The following SLC17A6 variants were observed in gnomAD, a reference collection of about 807,000 sequenced individuals.
SLC17A6 encodes the protein solute carrier family 17 member 6, also known as vesicular glutamate transporter 2.
A neutral mutation model predicts 67.1 loss-of-function variants in SLC17A6; 35 were observed. The observed-to-expected ratio is 0.52, with a 90% CI of 0.40 to 0.69. SLC17A6 has a LOEUF of 0.69. Among genes scored for constraint, SLC17A6 ranks in the 30% least tolerant of loss-of-function variants. The pLI is 0.00. For synonymous variants in SLC17A6, 285 were observed against 252.3 expected (o/e 1.13, Z -1.23); for missense variants, 588 against 723.9 (o/e 0.81, Z 2.15).
In SLC17A6 at chr11:22,374,757, T is replaced by C. The variant is rs1856214006; in HGVS notation, c.1044T>C (p.Val348=). The part of the protein sequence containing the change: ...EEVFGFEISK[V]GMLSAVPHLV... ...TCTCCCTTCTTGTTTTTCATCAGGT[T>C]GGTATGCTATCTGCTGTGCCACACT... The change falls in exon 9 of 12, where the codon GTT becomes GTC. Residue 348 remains valine, a splice_region_variant and synonymous_variant. Transcript: ENST00000263160. 1 of 1,600,670 alleles carries C rather than the reference T, an allele frequency of 6.2e-7. No homozygotes were observed. The highest frequency in any genetic ancestry group is 1.3e-5 in the African/African-American group (1 of 74,300).
chr11:22,370,177 G>C lies in SLC17A6; in HGVS notation c.1030G>C (p.Glu344Gln), dbSNP rs1197570640. ...PAYFEEVFGF[E>Q]ISKVGMLSAV... ...ATATTTTGAGGAAGTCTTTGGATTT[G>C]AAATTAGCAAGGTATGTAAAATGTA... Residue 344 changes from glutamate (E) to glutamine (Q), a missense_variant, in exon 8 of 12, where the codon GAA becomes CAA. By Grantham distance (29) the Glu-to-Gln change is conservative. Around this residue, in one of 4 missense-constraint regions of SLC17A6, gnomAD observed 414 missense variants for 563.4 expected, o/e 0.73. Coordinates refer to ENST00000263160, the MANE Select transcript of SLC17A6 (RefSeq NM_020346.3). 1 of 1,605,114 alleles carries C rather than the reference G, an allele frequency of 6.2e-7. No homozygotes were observed. The highest frequency in any genetic ancestry group is 8.5e-7 in the Non-Finnish European group (1 of 1,176,986).
intron 3 of SLC17A6, among the ~76,000 whole-genome samples, chr11:22,352,932 C>A (rs967347324): frequency 6.6e-6 from 1 of 152,184 alleles, no homozygotes; most frequent in African/African-American, 2.4e-5. Context: ...TGTATGAATT[C>A]AGAATGGAAG....
intron 4 of SLC17A6, among the ~76,000 whole-genome samples, chr11:22,360,168 C>T (rs1856034409): frequency 6.6e-6 from 1 of 151,570 alleles, no homozygotes; most frequent in Non-Finnish European, 1.5e-5. Context: ...GAGATCATGT[C>T]CTTTACAGAG....
rs546105314 is a variant in SLC17A6, at chr11:22,371,419, C to T, written c.1041+1231C>T. Among the ~76,000 whole-genome samples the T allele has an allele frequency of 1.1e-4, 16 of 152,076 alleles. No homozygotes were observed. In the South Asian group the frequency reaches 2.5e-3, roughly 24 times the overall value. On this transcript the variant is annotated intron_variant, in intron 8 of 11. Coordinates refer to ENST00000263160, the MANE Select transcript of SLC17A6 (RefSeq NM_020346.3). ...CTGTTTCTAAGGAAACTGTTTCCTCCATCCCCGAGAAGAATGGCTGCTTTA... is the reference window on the plus strand; with the variant it reads ...CTGTTTCTAAGGAAACTGTTTCCTCTATCCCCGAGAAGAATGGCTGCTTTA...
chr11:22,365,286 C>G (rs2133872583), intron 6 of SLC17A6, among the ~76,000 whole-genome samples: 1 of 152,280 alleles, frequency 6.6e-6, no homozygotes, highest in East Asian at 1.9e-4. Flanking sequence ...CCAAACTACA[C>G]CATTCTAATA....
rs189967211 is a variant in SLC17A6 at position 22,338,436 on chromosome 11, G to A, written c.-98G>A. ...CCATTCTGCTGAGAAGGAAAAGCCC[G>A]CAACTACTTTAAGAGATTAAGACAA... On this transcript the variant is annotated 5_prime_UTR_variant, in exon 1 of 12. Coordinates refer to ENST00000263160, the MANE Select transcript of SLC17A6 (RefSeq NM_020346.3). 1.7e-5 allele frequency: 14 copies of A among 843,158 alleles called. No homozygotes were observed. Among genetic ancestry groups the A allele is most frequent in the South Asian group, 1.6e-4 (10 of 60,720 alleles). 52.2% of individuals were successfully genotyped at this position (843,158 alleles called of 1,614,324 possible). A position where few individuals can be genotyped will look rare whatever the true frequency, so the allele number is the denominator to read the frequency against.
intron 3 of SLC17A6, among the ~76,000 whole-genome samples, chr11:22,347,699 T>A (rs1170317202): frequency 6.6e-6 from 1 of 152,196 alleles, no homozygotes; most frequent in Non-Finnish European, 1.5e-5. Context: ...CACTAAAAAT[T>A]CCGTAAATTT....
chr11:22,340,391 A>G (rs193218019), intron 1 of SLC17A6, among the ~76,000 whole-genome samples: 1 of 152,378 alleles, frequency 6.6e-6, no homozygotes, highest in Non-Finnish European at 1.5e-5. Flanking sequence ...AGACTAGAAC[A>G]CTACCACCTT....
chr11:22,374,409 C>CCTCT (rs146775795), intron 8 of SLC17A6, among the ~76,000 whole-genome samples: 1 of 150,182 alleles, frequency 6.7e-6, no homozygotes, highest in South Asian at 2.1e-4. Context: ...ATGTATTTTT[C>CCTCT]CTCTCTCTCT....
At position 22,365,585 on chromosome 11, in the gene SLC17A6, G is replaced by T. The variant is rs1856102484; in HGVS notation, c.787G>T (p.Val263Leu). 1 of 1,614,004 alleles carries T rather than the reference G, an allele frequency of 6.2e-7. No homozygotes were observed. The highest frequency in any genetic ancestry group is 8.5e-7 in the Non-Finnish European group (1 of 1,179,918). ...GGTCTGGTACATGTTTTGGCTTTTG[G>T]TGTCTTATGAAAGTCCTGCAAAGCA... Reference protein sequence around the residue: ...GMVWYMFWLLVSYESPAKHPT... With the variant: ...GMVWYMFWLLLSYESPAKHPT... Residue 263 changes from valine (V) to leucine (L), a missense_variant, in exon 7 of 12, where the codon GTG becomes TTG. By Grantham distance (32) the Val-to-Leu change is conservative (BLOSUM62 1). Coordinates refer to ENST00000263160, the MANE Select transcript of SLC17A6 (RefSeq NM_020346.3).
chr11:22,371,533 C>T (rs1411820597), intron 8 of SLC17A6, among the ~76,000 whole-genome samples: 2 of 151,278 alleles, frequency 1.3e-5, no homozygotes, highest in African/African-American at 4.9e-5. Context: ...ACAAAGGCTG[C>T]TGGAGGTGTG....
chr11:22,348,166 T>C, intron 3 of SLC17A6, among the ~76,000 whole-genome samples: 1 of 152,208 alleles, frequency 6.6e-6, no homozygotes, highest in Admixed American at 6.5e-5. Flanking sequence ...TGATGATACA[T>C]GATGGCAAGG....
intron 11 of SLC17A6, 58 bp downstream of exon 11, chr11:22,376,730 T>A: frequency 6.3e-7 from 1 of 1,582,554 alleles, no homozygotes; most frequent in Non-Finnish European, 8.7e-7. Flanking sequence ...AATGATAATC[T>A]TTTTGGAAAA....
At chr11:22,340,639 T>A (rs1855804619) in intron 1 of SLC17A6, among the ~76,000 whole-genome samples, 1 of 152,036 alleles carries the variant, frequency 6.6e-6, no homozygotes, top group Non-Finnish European at 1.5e-5. Flanking sequence ...CATTTTTCGG[T>A]GTTTGTAAGA....
chr11:22,353,257 T>C (rs1469250876), intron 3 of SLC17A6, among the ~76,000 whole-genome samples: 3 of 152,140 alleles, frequency 2.0e-5, no homozygotes, highest in Admixed American at 6.5e-5. Flanking sequence ...GACCAAGAAA[T>C]GAGGCTAAGA....
rs1452152362 is a variant in SLC17A6 at position 22,360,929 on chromosome 11, G to A, written c.606G>A (p.Trp202Ter). 1 of 1,614,018 alleles carries A rather than the reference G, an allele frequency of 6.2e-7. No homozygotes were observed. The highest frequency in any genetic ancestry group is 1.1e-5 in the South Asian group (1 of 91,072). ...GVTYPACHGI[W>*]SKWAPPLERS... ...CCTACCCAGCATGTCATGGGATATGGAGCAAATGGGCCCCACCTCTAGAGA... is the reference window on the plus strand; with the variant it reads ...CCTACCCAGCATGTCATGGGATATGAAGCAAATGGGCCCCACCTCTAGAGA... Residue 202 changes from tryptophan (W) to a stop codon, truncating the protein, a stop_gained, in exon 5 of 12, where the codon TGG (tryptophan) becomes TGA (stop). Transcript: ENST00000263160. LOFTEE classifies it high-confidence loss of function.
chr11:22,349,705 C>T (rs1855917138), intron 3 of SLC17A6, among the ~76,000 whole-genome samples: 1 of 152,184 alleles, frequency 6.6e-6, no homozygotes, highest in Admixed American at 6.5e-5. Flanking sequence ...TCTCATCTCT[C>T]TGTCATGAGT....
chr11:22,356,695 G>A (rs777693754), intron 3 of SLC17A6, among the ~76,000 whole-genome samples: 9 of 152,134 alleles, frequency 5.9e-5, no homozygotes, highest in Non-Finnish European at 1.0e-4. Flanking sequence ...AATTAGCCAG[G>A]CATGTTGGCG....
chr11:22,373,968 T>G (rs1020389830), intron 8 of SLC17A6, among the ~76,000 whole-genome samples: 13 of 152,198 alleles, frequency 8.5e-5, no homozygotes, highest in African/African-American at 2.7e-4. Context: ...CAAAGTATAC[T>G]TAGTAAAAAA....
Sources: gnomAD v4.1 joint callset for allele counts (sites outside exome capture counted in the v4.1 genomes callset) on GRCh38, gnomAD v4.1.1 for gene constraint, gnomAD v4.1.1 regional missense constraint, MANE v1.5 for transcripts, NCBI Gene and HGNC (gene_info 2026-07-23, HGNC 2026-07-21) for gene names.